HNF4G: variants seen among roughly 807,000 people sequenced by gnomAD.
HNF4G encodes the protein hepatocyte nuclear factor 4-gamma.
HNF4G carries 21 observed loss-of-function variants against 50.9 expected under a neutral mutation model. The observed-to-expected ratio is 0.41, with a 90% CI of 0.29 to 0.59. The LOEUF (loss-of-function observed/expected upper bound fraction) is 0.59. Ranked by LOEUF, HNF4G falls within the 20% of genes least tolerant of loss-of-function variation. HNF4G has a pLI of 0.26. For missense variants in HNF4G, 527 were observed against 559.4 expected (o/e 0.94, Z 0.58); for synonymous variants, 198 against 185.6 (o/e 1.07, Z -0.54).
intron 1 of HNF4G, among the ~76,000 whole-genome samples, chr8:75,447,445 A>C (rs1259573000): frequency 1.5e-5 from 2 of 135,840 alleles, no homozygotes; most frequent in Non-Finnish European, 3.1e-5. Flanking sequence ...ATCTAATTAA[A>C]CTAAAGAGCT....
At chr8:75,483,237 T>C (rs1812420970) in intron 1 of HNF4G, among the ~76,000 whole-genome samples, 1 of 146,502 alleles carries the variant, frequency 6.8e-6, no homozygotes, top group Non-Finnish European at 1.5e-5. Context: ...ATTCATTTAT[T>C]TCAAATAAGT....
intron 2 of HNF4G, among the ~76,000 whole-genome samples, chr8:75,508,094 A>G (rs1805642858): frequency 6.6e-6 from 1 of 152,156 alleles, no homozygotes; most frequent in South Asian, 2.1e-4. Context: ...TAAGAATACA[A>G]TGATGTCGTT....
chr8:75,466,632 CCTTCTCCCTTCCCTTCCCTTCCCTTCCCT>C (rs1811991413), intron 1 of HNF4G, among the ~76,000 whole-genome samples: 6 of 41,402 alleles, frequency 1.4e-4, no homozygotes, highest in African/African-American at 3.5e-4. Flanking sequence ...TTCCTTCCTT[CCTTCTCCCTTCCCTTCCCTTCCCTTCCCT>C]TCCCTTCCCT....
At chr8:75,561,672 T>C (rs1807315916) in intron 9 of HNF4G, among the ~76,000 whole-genome samples, 1 of 152,192 alleles carries the variant, frequency 6.6e-6, no homozygotes. Flanking sequence ...TTTATGAAAT[T>C]GCTCACTCTT....
intron 2 of HNF4G, among the ~76,000 whole-genome samples, chr8:75,505,929 T>C (rs1451887463): frequency 6.6e-6 from 1 of 152,006 alleles, no homozygotes; most frequent in African/African-American, 2.4e-5. Context: ...TTTTAATTAT[T>C]TTTTTTAAAT....
chr8:75,522,452 T>C (rs1404716814), intron 2 of HNF4G, among the ~76,000 whole-genome samples: 4 of 152,194 alleles, frequency 2.6e-5, no homozygotes, highest in Non-Finnish European at 5.9e-5. Flanking sequence ...CACAATCCCA[T>C]TTGAAGTATG....
intron 2 of HNF4G, among the ~76,000 whole-genome samples, chr8:75,516,043 C>A (rs890198143): frequency 4.6e-5 from 7 of 152,174 alleles, no homozygotes; most frequent in African/African-American, 1.7e-4. Context: ...GGATTACAGG[C>A]GCAAGCTACT....
In HNF4G at chr8:75,477,584, T is replaced by A. The variant is rs576293701; in HGVS notation, c.-143-12505T>A. On this transcript the variant is annotated intron_variant, in intron 1 of 10. Transcript: ENST00000354370. ...GACCCCTACCCAAACTAAATGAAACTAAAAATTCAGTTCTTGTTTTTCTGC... is the reference window on the plus strand; with the variant it reads ...GACCCCTACCCAAACTAAATGAAACAAAAAATTCAGTTCTTGTTTTTCTGC... Among the ~76,000 whole-genome samples, 5 of 152,196 alleles carry A rather than the reference T, an allele frequency of 3.3e-5. No homozygotes were observed. In the South Asian group the frequency reaches 6.2e-4, roughly 19 times the overall value.
At chr8:75,432,572 A>T (rs934133891) in intron 1 of HNF4G, among the ~76,000 whole-genome samples, 2 of 152,188 alleles carry the variant, frequency 1.3e-5, no homozygotes, top group Non-Finnish European at 2.9e-5. Flanking sequence ...AAGTGCTGGG[A>T]TTACAGGCAT....
intron 1 of HNF4G, among the ~76,000 whole-genome samples, chr8:75,446,927 A>T (rs941334015): frequency 7.6e-6 from 1 of 131,980 alleles, no homozygotes; most frequent in Non-Finnish European, 1.6e-5. Context: ...ATTGGAAAAA[A>T]CTACTTTAAA....
chr8:75,471,163 A>T (rs578060399), intron 1 of HNF4G, among the ~76,000 whole-genome samples: 2 of 152,312 alleles, frequency 1.3e-5, no homozygotes, highest in East Asian at 3.9e-4. Context: ...CAGTGCAAGG[A>T]TATTAAAATA....
intron 1 of HNF4G, among the ~76,000 whole-genome samples, chr8:75,440,560 T>A (rs1193973328): frequency 2.0e-5 from 3 of 152,236 alleles, no homozygotes. Flanking sequence ...GATAATGTTT[T>A]ATTTCTTTGA....
rs542295365 is a variant in HNF4G, at chr8:75,518,754, C to T, written c.-23-25057C>T. On this transcript the variant is annotated intron_variant, in intron 2 of 10. Transcript: ENST00000354370. The stretch of plus-strand genomic sequence containing the variant: ...TGGCCCATGAAATCTTTTTTTTTTC[C>T]TCCTAGACCTCCTGGCTTGTGATGG... 4.2e-4 allele frequency among the ~76,000 whole-genome samples: 64 copies of T among 151,816 alleles called. 1 individual carries two copies. The highest frequency in any genetic ancestry group is 1.5e-3 in the African/African-American group (62 of 41,464).
intron 1 of HNF4G, among the ~76,000 whole-genome samples, chr8:75,420,541 T>C (rs1254232528): frequency 6.6e-6 from 1 of 152,258 alleles, no homozygotes; most frequent in African/African-American, 2.4e-5. Context: ...TTAGTCAAGC[T>C]GTTTTTTATC....
upstream of HNF4G, among the ~76,000 whole-genome samples, chr8:75,537,115 A>G (rs1255961081): frequency 6.6e-6 from 1 of 152,192 alleles, no homozygotes; most frequent in Non-Finnish European, 1.5e-5. Flanking sequence ...TTATGCACTT[A>G]TCAAGAGTCA....
chr8:75,486,595 T>C (rs1005622190), intron 1 of HNF4G, among the ~76,000 whole-genome samples: 1 of 152,210 alleles, frequency 6.6e-6, no homozygotes, highest in Non-Finnish European at 1.5e-5. Flanking sequence ...TTTCAGTTCA[T>C]CTGTACCTTT....
chr8:75,529,272 C>A (rs1048344098), intron 2 of HNF4G, among the ~76,000 whole-genome samples: 1 of 151,520 alleles, frequency 6.6e-6, no homozygotes, highest in Non-Finnish European at 1.5e-5. Flanking sequence ...GCCTGGGCAA[C>A]GGAGCGAGGT....
chr8:75,460,971 T>G (rs556690439), intron 1 of HNF4G, among the ~76,000 whole-genome samples: 1 of 152,354 alleles, frequency 6.6e-6, no homozygotes, highest in Non-Finnish European at 1.5e-5. Flanking sequence ...AATGAGTTAC[T>G]GTAGATTAAT....
intron 1 of HNF4G, among the ~76,000 whole-genome samples, chr8:75,466,631 T>TCGC (rs879849223): frequency 0.031 from 1,653 of 52,502 alleles, 41 homozygotes; most frequent in Non-Finnish European, 0.052. Flanking sequence ...CTTCCTTCCT[T>TCGC]CCTTCTCCCT....
Sources: allele counts gnomAD v4.1 joint callset (sites outside exome capture counted in the v4.1 genomes callset), GRCh38; gene constraint gnomAD v4.1.1; transcripts MANE v1.5; gene names NCBI Gene and HGNC (gene_info 2026-07-23, HGNC 2026-07-21).